HGF: variants seen among roughly 807,000 people sequenced by gnomAD.
The protein encoded by HGF is hepatocyte growth factor.
A neutral mutation model predicts 111.6 loss-of-function variants in HGF; 39 were observed. The ratio of observed to expected loss-of-function variants is 0.35; its 90% confidence interval spans 0.27 to 0.46. The LOEUF is 0.46. Among genes scored for constraint, HGF ranks in the 20% least tolerant of loss-of-function variants. The pLI is 1.00. For synonymous variants in HGF, 285 were observed against 294.8 expected (o/e 0.97, Z 0.34); for missense variants, 735 against 910.5 (o/e 0.81, Z 2.48).
chr7:81,717,103 T>C, intron 11 of HGF, 129 bp downstream of exon 11: 1 of 804,632 alleles, frequency 1.2e-6, no homozygotes, highest in Non-Finnish European at 2.1e-6. Context: ...TACATTTGTG[T>C]GTGTTGCTCT....
intron 5 of HGF, among the ~76,000 whole-genome samples, chr7:81,750,065 G>A (rs1040511134): frequency 6.6e-6 from 1 of 151,934 alleles, no homozygotes; most frequent in African/African-American, 2.4e-5. Flanking sequence ...TACAACTTAA[G>A]CATTCTGGAT....
intron 6 of HGF, among the ~76,000 whole-genome samples, chr7:81,744,341 A>C (rs1399057473): frequency 2.7e-5 from 4 of 150,532 alleles, no homozygotes; most frequent in Non-Finnish European, 5.9e-5. Context: ...GTAATAATTT[A>C]AGCTCAAAAC....
At chr7:81,740,065 C>A (rs1022559437) in intron 7 of HGF, among the ~76,000 whole-genome samples, 1 of 152,156 alleles carries the variant, frequency 6.6e-6, no homozygotes, top group Non-Finnish European at 1.5e-5. Flanking sequence ...TAATTGCAAC[C>A]ATTTGCTAAG....
Position 81,756,256 on chromosome 7 carries a change from A to G in HGF, c.482+933T>C, listed in dbSNP as rs1315371817. The G allele has an allele frequency of 1.1e-5, 6 of 549,270 alleles. No individual in the cohort carries two copies. The Admixed American group carries it at 1.7e-4, about 16-fold the overall frequency. The allele number at this position is 549,270 out of a possible 1,614,324, so 34.0% of individuals were successfully genotyped here. ...CAGTTTTGTCATGTAGGTAAAATAG[A>G]ACCAATAAAACTACCCGCTGTGTGG... is the stretch of plus-strand genomic sequence containing the variant. On this transcript the variant is annotated intron_variant, in intron 4 of 17. Transcript: ENST00000222390.
At chr7:81,715,905 A>G (rs1789698325) in intron 11 of HGF, among the ~76,000 whole-genome samples, 1 of 152,196 alleles carries the variant, frequency 6.6e-6, no homozygotes, top group South Asian at 2.1e-4. Context: ...CAAAGTTTTT[A>G]TCGAACTTAT....
At chr7:81,707,748 T>C (rs1210876264) in intron 13 of HGF, among the ~76,000 whole-genome samples, 1 of 152,168 alleles carries the variant, frequency 6.6e-6, no homozygotes, top group Non-Finnish European at 1.5e-5. Flanking sequence ...TTAAATTCAG[T>C]GTTTGCTTAT....
At chr7:81,755,618 G>A (rs73381188) in intron 4 of HGF, 2,277 of 179,862 alleles carry the variant, frequency 0.013, 63 homozygotes, top group African/African-American at 0.051. Context: ...CCTGGACTAG[G>A]GTAGGATTGA....
At chr7:81,737,639 A>G (rs914030932) in intron 7 of HGF, among the ~76,000 whole-genome samples, 3 of 152,158 alleles carry the variant, frequency 2.0e-5, no homozygotes, top group Non-Finnish European at 4.4e-5. Flanking sequence ...AGGTGCCATT[A>G]AAGAAAATTT....
At chr7:81,735,494 AC>A (rs1562887413) in intron 7 of HGF, among the ~76,000 whole-genome samples, 1 of 152,120 alleles carries the variant, frequency 6.6e-6, no homozygotes, top group Admixed American at 6.6e-5. Flanking sequence ...ACTCAAAGAA[AC>A]AATCAGCTTT....
intron 7 of HGF, among the ~76,000 whole-genome samples, chr7:81,736,465 A>G (rs1237531467): frequency 6.6e-6 from 1 of 152,032 alleles, no homozygotes; most frequent in Non-Finnish European, 1.5e-5. Flanking sequence ...TATTGTTATC[A>G]TTATTCTATT....
intron 9 of HGF, among the ~76,000 whole-genome samples, chr7:81,722,001 T>G (rs1465726248): frequency 1.3e-5 from 2 of 152,260 alleles, no homozygotes; most frequent in African/African-American, 4.8e-5. Flanking sequence ...CATTCTTCTG[T>G]AAATAAAAAT....
intron 7 of HGF, 152 bp downstream of exon 7, chr7:81,743,201 G>A (rs1788079758): frequency 5.6e-6 from 4 of 720,282 alleles, no homozygotes; most frequent in South Asian, 3.2e-5. Flanking sequence ...GCAAAAGATT[G>A]GGTAGGATTA....
At chr7:81,760,778 T>C (rs2116223003) in intron 2 of HGF, among the ~76,000 whole-genome samples, 1 of 151,664 alleles carries the variant, frequency 6.6e-6, no homozygotes, top group East Asian at 2.0e-4. Flanking sequence ...TAATACATAA[T>C]ATTACCTGTG....
intron 2 of HGF, among the ~76,000 whole-genome samples, chr7:81,761,793 A>G (rs1341160805): frequency 2.2e-4 from 1 of 4,528 alleles, no homozygotes; most frequent in African/African-American, 1.2e-3. Flanking sequence ...AAGGGTGTGG[A>G]GTGGGGGTGG....
At position 81,758,802 on chromosome 7, in the gene HGF, G is replaced by T; in HGVS notation, c.257C>A (p.Ala86Asp). Reference sequence around the variant, plus strand: ...TTTTCTTGCTTTATCAAAAACAAAAGCCCTGAAAAAAATATCAGAATGAAA... The same window carrying T: ...TTTTCTTGCTTTATCAAAAACAAAATCCCTGAAAAAAATATCAGAATGAAA... ...RNKGLPFTCK[A>D]FVFDKARKQC... The change falls in exon 3 of 18, where the codon GCT becomes GAT. Residue 86 changes from alanine (A) to aspartate (D), a missense_variant and splice_region_variant. Ala to Asp is a moderately radical substitution (Grantham distance 126, BLOSUM62 -2). This residue lies in a region of HGF where 553 missense variants were observed against 685.6 expected (regional missense o/e 0.81). Coordinates refer to ENST00000222390, the MANE Select transcript of HGF (RefSeq NM_000601.6). 6.3e-7 allele frequency: 1 copy of T among 1,598,990 alleles called. No homozygotes were observed. Among genetic ancestry groups the T allele is most frequent in the Non-Finnish European group, 8.6e-7 (1 of 1,167,050 alleles).
intron 1 of HGF, among the ~76,000 whole-genome samples, chr7:81,764,603 T>A (rs1789267127): frequency 6.6e-6 from 1 of 152,088 alleles, no homozygotes; most frequent in Admixed American, 6.6e-5. Context: ...CAATCTAAAA[T>A]ATAAAAGTTA....
intron 7 of HGF, among the ~76,000 whole-genome samples, chr7:81,738,848 A>G (rs901184101): frequency 2.0e-5 from 3 of 152,122 alleles, no homozygotes; most frequent in East Asian, 1.9e-4. Context: ...TGTTTATTTG[A>G]CATATAATAG....
At chr7:81,768,822 C>G (rs1789492717) in intron 1 of HGF, among the ~76,000 whole-genome samples, 1 of 152,126 alleles carries the variant, frequency 6.6e-6, no homozygotes, top group Non-Finnish European at 1.5e-5. Flanking sequence ...AAACGGGCCA[C>G]TTCACAAAAT....
chr7:81,717,010 A>G (rs1014857412), intron 11 of HGF, among the ~76,000 whole-genome samples: 2 of 152,140 alleles, frequency 1.3e-5, no homozygotes, highest in Non-Finnish European at 2.9e-5. Flanking sequence ...ATCTCCATTA[A>G]AATGTTAAAA....
Sources: allele counts gnomAD v4.1 joint callset (sites outside exome capture counted in the v4.1 genomes callset), GRCh38; gene constraint gnomAD v4.1.1; regional missense constraint gnomAD v4.1.1; transcripts MANE v1.5; gene names NCBI Gene and HGNC (gene_info 2026-07-23, HGNC 2026-07-21).